ADAM2: variants seen among roughly 807,000 people sequenced by gnomAD.
The protein encoded by ADAM2 is ADAM metallopeptidase domain 2.
ADAM2 carries 101 observed loss-of-function variants against 99.3 expected under a neutral mutation model. The observed-to-expected ratio is 1.02, with a 90% CI of 0.87 to 1.20. The LOEUF (loss-of-function observed/expected upper bound fraction) is 1.20. Ranked by LOEUF, ADAM2 falls within the 50% of genes most tolerant of loss-of-function variation. The probability of loss-of-function intolerance (pLI) is 0.00; values close to 1 mark genes in which losing one functional copy is unlikely to be tolerated. For missense variants in ADAM2, 948 were observed against 878.7 expected (o/e 1.08, Z -1.00); for synonymous variants, 323 against 287.6 (o/e 1.12, Z -1.25).
intron 4 of ADAM2, among the ~76,000 whole-genome samples, chr8:39,824,549 C>T (rs1805323531): frequency 6.6e-6 from 1 of 152,130 alleles, no homozygotes; most frequent in Non-Finnish European, 1.5e-5. Flanking sequence ...TTACATATTT[C>T]ACAACATATT....
In ADAM2 at chr8:39,755,900, C is replaced by T. The variant is rs1210750560; in HGVS notation, c.1625G>A (p.Cys542Tyr). 5.9e-6 allele frequency: 9 copies of T among 1,518,934 alleles called. 1 individual carries two copies. In the South Asian group the frequency reaches 8.2e-5, roughly 14 times the overall value. 94.1% of individuals were successfully genotyped at this position (1,518,934 alleles called of 1,614,324 possible). A position where few individuals can be genotyped will look rare whatever the true frequency, so the allele number is the denominator to read the frequency against. The change falls in exon 16 of 21, where the codon TGC becomes TAC. Residue 542 changes from cysteine (C) to tyrosine (Y), a missense_variant. Physicochemically the swap from Cys to Tyr is radical, Grantham distance 194. Transcript: ENST00000265708. ...YTQCEADNLQ[C>Y]GKLICKYVGK... Reference sequence around the variant, plus strand: ...TACATATTTACATATTAATTTTCCGCACTGCAGATTGCTATAATTTATCCA... The same window carrying T: ...TACATATTTACATATTAATTTTCCGTACTGCAGATTGCTATAATTTATCCA...
chr8:39,817,101 A>T (rs1804976105), intron 6 of ADAM2, among the ~76,000 whole-genome samples: 5 of 152,218 alleles, frequency 3.3e-5, no homozygotes, highest in Admixed American at 3.3e-4. Flanking sequence ...TTAATAAAAA[A>T]GATGTAACAT....
At chr8:39,803,710 C>T (rs1186478582) in intron 7 of ADAM2, among the ~76,000 whole-genome samples, 1 of 152,020 alleles carries the variant, frequency 6.6e-6, no homozygotes, top group Non-Finnish European at 1.5e-5. Flanking sequence ...AAATCAGAAT[C>T]AAAATGAAAA....
chr8:39,754,955 T>C (rs796975267), intron 16 of ADAM2, among the ~76,000 whole-genome samples: 1 of 152,230 alleles, frequency 6.6e-6, no homozygotes, highest in South Asian at 2.1e-4. Flanking sequence ...TGTGTGTGCA[T>C]GTCTATGAAA....
rs1441603197 is a variant in ADAM2 at position 39,746,469 on chromosome 8, T to C, written c.2174+3A>G. 2 of 1,545,578 alleles carry C rather than the reference T, an allele frequency of 1.3e-6. No homozygotes were observed. Among genetic ancestry groups the C allele is most frequent in the Non-Finnish European group, 1.7e-6 (2 of 1,148,904 alleles). ...ACAAATCTTAAATATGAAATCAATA[T>C]ACTCATCGCTTGAATAGTCCTCAGT... On this transcript the variant is annotated splice_donor_region_variant and intron_variant, in intron 19 of 20. Transcript: ENST00000265708.
chr8:39,836,854 A>T (rs1805845225), intron 2 of ADAM2, among the ~76,000 whole-genome samples: 1 of 152,182 alleles, frequency 6.6e-6, no homozygotes, highest in South Asian at 2.1e-4. Flanking sequence ...TGAGAACAGA[A>T]TCTCTAGAAC....
At chr8:39,753,616 G>T (rs925860696) in intron 16 of ADAM2, among the ~76,000 whole-genome samples, 1 of 152,174 alleles carries the variant, frequency 6.6e-6, no homozygotes, top group Non-Finnish European at 1.5e-5. Context: ...TTCCTGGGCA[G>T]GGCCCAGGGT....
chr8:39,838,113 A>AGGGGTTT lies in ADAM2; in HGVS notation c.55+11_55+17dup, dbSNP rs761774487. 5.6e-6 allele frequency: 9 copies of AGGGGTTT among 1,613,794 alleles called. No individual in the cohort carries two copies. The South Asian group carries it at 9.9e-5, about 18-fold the overall frequency. ...GCTGAGGGTCCCAAAAGGCCAGAGG[A>AGGGGTTT]GGGGTTTTTCTGCTTACTACTGTCC... On this transcript the variant is annotated intron_variant, in intron 1 of 20. Coordinates refer to ENST00000265708, the MANE Select transcript of ADAM2 (RefSeq NM_001464.5).
intron 6 of ADAM2, among the ~76,000 whole-genome samples, chr8:39,812,706 C>T (rs1804757182): frequency 6.6e-6 from 1 of 152,136 alleles, no homozygotes; most frequent in Admixed American, 6.5e-5. Flanking sequence ...GCTGGGAAAA[C>T]TGGCTAGCCA....
chr8:39,769,724 A>C (rs1802705686), intron 11 of ADAM2, 149 bp from the exon 12 acceptor site: 1 of 591,992 alleles, frequency 1.7e-6, no homozygotes, highest in Admixed American at 3.0e-5. Flanking sequence ...ATGGGAAGTC[A>C]ACTGTGCAAG....
intron 7 of ADAM2, among the ~76,000 whole-genome samples, chr8:39,793,029 A>G (rs1169744951): frequency 6.6e-6 from 1 of 152,090 alleles, no homozygotes; most frequent in African/African-American, 2.4e-5. Flanking sequence ...ATCTCCATGT[A>G]TAAGGTATCC....
intron 6 of ADAM2, among the ~76,000 whole-genome samples, chr8:39,816,926 C>T: frequency 6.6e-6 from 1 of 152,058 alleles, no homozygotes; most frequent in Non-Finnish European, 1.5e-5. Context: ...GCCTGTGGGC[C>T]AGATTTGGCC....
At chr8:39,761,669 A>G (rs1017179276) in intron 14 of ADAM2, among the ~76,000 whole-genome samples, 6 of 152,250 alleles carry the variant, frequency 3.9e-5, no homozygotes, top group Non-Finnish European at 8.8e-5. Flanking sequence ...CTAACCAATT[A>G]TCTTGTTTTA....
At chr8:39,838,079 G>T in intron 1 of ADAM2, 52 bp downstream of exon 1, 1 of 1,586,898 alleles carries the variant, frequency 6.3e-7, no homozygotes, top group Non-Finnish European at 8.7e-7. Context: ...GAGGCAAAGG[G>T]AGAGTAGCGC....
At chr8:39,780,875 G>A (rs1563353174) in intron 10 of ADAM2, among the ~76,000 whole-genome samples, 1 of 151,972 alleles carries the variant, frequency 6.6e-6, no homozygotes, top group South Asian at 2.1e-4. Context: ...TTACAAATGG[G>A]TTTGAAACTT....
chr8:39,764,504 G>A (rs1025704796), intron 14 of ADAM2, among the ~76,000 whole-genome samples: 2 of 152,150 alleles, frequency 1.3e-5, no homozygotes, highest in African/African-American at 4.8e-5. Flanking sequence ...CCAAATCAGA[G>A]CCTTTCTCAT....
At position 39,746,529 on chromosome 8, in the gene ADAM2, A is replaced by G. The variant is rs2129582575; in HGVS notation, c.2117T>C (p.Met706Thr). ...TTTCCTTTGGAAATTAACTTTCACC[A>G]TTATAGCAATCAGTACACAGAAAAT... The part of the protein sequence containing the change: ...FIIFCVLIAI[M>T]VKVNFQRKKW... Residue 706 changes from methionine (M) to threonine (T), a missense_variant, in exon 19 of 21, where the codon ATG becomes ACG. By Grantham distance (81) the Met-to-Thr change is moderately conservative (BLOSUM62 -1). Coordinates refer to ENST00000265708, the MANE Select transcript of ADAM2 (RefSeq NM_001464.5). 1 of 1,604,968 alleles carries G rather than the reference A, an allele frequency of 6.2e-7. No homozygotes were observed. Among genetic ancestry groups the G allele is most frequent in the Non-Finnish European group, 8.5e-7 (1 of 1,176,208 alleles).
intron 7 of ADAM2, among the ~76,000 whole-genome samples, chr8:39,798,747 A>G (rs1362743892): frequency 1.3e-5 from 2 of 152,056 alleles, no homozygotes; most frequent in African/African-American, 4.8e-5. Context: ...GAGACTCAAC[A>G]TCTTCCTGGT....
At chr8:39,825,005 A>G in intron 3 of ADAM2, 108 bp from the exon 4 acceptor site, 2 of 624,766 alleles carry the variant, frequency 3.2e-6, no homozygotes, top group Non-Finnish European at 5.7e-6. Context: ...AGCAAGAGAA[A>G]CAGAGGGATA....
Sources: gnomAD v4.1 joint callset for allele counts (sites outside exome capture counted in the v4.1 genomes callset) on GRCh38, gnomAD v4.1.1 for gene constraint, MANE v1.5 for transcripts, NCBI Gene and HGNC (gene_info 2026-07-23, HGNC 2026-07-21) for gene names.